DBF4B: variants seen among roughly 807,000 people sequenced by gnomAD.
The protein encoded by DBF4B is protein DBF4 homolog B.
In DBF4B, 49 loss-of-function variants were observed where a neutral mutation model predicts 53.4. The ratio of observed to expected loss-of-function variants is 0.92; its 90% CI spans 0.73 to 1.16. DBF4B has a LOEUF of 1.16. Among genes scored for constraint, DBF4B ranks in the 50% most tolerant of loss-of-function variants. DBF4B has a pLI of 0.00. For synonymous variants in DBF4B, 257 were observed against 288.7 expected (o/e 0.89, Z 1.11); for missense variants, 692 against 775.0 (o/e 0.89, Z 1.27).
chr17:44,711,146 C>T (rs989210618), intron 2 of DBF4B, among the ~76,000 whole-genome samples: 10 of 151,358 alleles, frequency 6.6e-5, no homozygotes, highest in African/African-American at 2.4e-4. Flanking sequence ...CCACCATGCC[C>T]GGCTAATTTT....
chr17:44,727,423 AG>A (rs1974456887), intron 3 of DBF4B, among the ~76,000 whole-genome samples: 1 of 151,998 alleles, frequency 6.6e-6, no homozygotes, highest in African/African-American at 2.4e-5. Context: ...TGTCTCAAAA[AG>A]AAAAAAAAAA....
At chr17:44,718,602 A>G (rs1973547267) in intron 2 of DBF4B, among the ~76,000 whole-genome samples, 1 of 152,028 alleles carries the variant, frequency 6.6e-6, no homozygotes, top group South Asian at 2.1e-4. Context: ...TTTTTGGCAC[A>G]GAAGTGATGT....
rs796441056 is a variant in DBF4B at position 44,716,058 on chromosome 17, A to T, written c.82+6692A>T. Among the ~76,000 whole-genome samples, 4 of 151,868 alleles carry T rather than the reference A, an allele frequency of 2.6e-5. No individual in the cohort carries two copies. In the South Asian group the frequency reaches 8.3e-4, roughly 32 times the overall value. On this transcript the variant is annotated intron_variant, in intron 2 of 13. Coordinates refer to ENST00000315005, the MANE Select transcript of DBF4B (RefSeq NM_145663.3). ...AGGCTGGTCTTAAACTCCCGATCTGAGGTAATCCACCCGCCTCGGCCTCCC... is the reference window on the plus strand; with the variant it reads ...AGGCTGGTCTTAAACTCCCGATCTGTGGTAATCCACCCGCCTCGGCCTCCC...
At chr17:44,742,282 C>T (rs985126360) in intron 10 of DBF4B, among the ~76,000 whole-genome samples, 1 of 151,638 alleles carries the variant, frequency 6.6e-6, no homozygotes, top group Admixed American at 6.6e-5. Flanking sequence ...TTGTGGTGCA[C>T]ACCTGTAATC....
At position 44,747,572 on chromosome 17, in the gene DBF4B, G is replaced by T. The variant is rs1011543188; in HGVS notation, c.1064+57G>T. ...CTGCTCTCTCCTCTGTTGCCCTCTG[G>T]GTGGGAAGAGACCCTCAGGTTGGTG... is the stretch of plus-strand genomic sequence containing the variant. On this transcript the variant is annotated intron_variant, in intron 12 of 13. Transcript: ENST00000315005. 19 of 1,597,270 alleles carry T rather than the reference G, an allele frequency of 1.2e-5. No homozygotes were observed. In the African/African-American group the frequency reaches 2.1e-4, roughly 18 times the overall value.
intron 1 of DBF4B, 142 bp from the exon 2 acceptor site, chr17:44,709,162 A>C: frequency 9.2e-7 from 1 of 1,083,906 alleles, no homozygotes; most frequent in African/African-American, 1.6e-5. Context: ...GAGTCGCGGG[A>C]TGTAGGTCGG....
chr17:44,746,546 C>T (rs1054716969), intron 10 of DBF4B, among the ~76,000 whole-genome samples: 4 of 151,962 alleles, frequency 2.6e-5, no homozygotes, highest in South Asian at 2.1e-4. Flanking sequence ...ATGGCTGGCG[C>T]GGTGGCTCAC....
At chr17:44,729,721 CA>C (rs1199903976) in intron 3 of DBF4B, among the ~76,000 whole-genome samples, 183 bp from the exon 4 acceptor site, 14 of 143,408 alleles carry the variant, frequency 9.8e-5, no homozygotes, top group South Asian at 2.3e-4. Flanking sequence ...CACACACACA[CA>C]CACACCCCAT....
intron 3 of DBF4B, among the ~76,000 whole-genome samples, chr17:44,725,127 A>C (rs1313705298): frequency 2.6e-5 from 4 of 151,580 alleles, no homozygotes; most frequent in African/African-American, 9.7e-5. Context: ...AAAAAAAAAA[A>C]AAAAAAAAAA....
chr17:44,723,824 A>G (rs1382608059), intron 3 of DBF4B, among the ~76,000 whole-genome samples: 1 of 151,980 alleles, frequency 6.6e-6, no homozygotes, highest in African/African-American at 2.4e-5. Context: ...CTTATTAGAA[A>G]CTTAGGCTGG....
rs1225504275 is a variant in DBF4B, at chr17:44,738,467, C to T, written c.713+43C>T. On this transcript the variant is annotated intron_variant, in intron 9 of 13. Coordinates refer to ENST00000315005, the MANE Select transcript of DBF4B (RefSeq NM_145663.3). Reference sequence around the variant, plus strand: ...TCTCTGCTTGCCCCAGCTAGGCCTGCACAGAGGAGGGAGGAGGGAGGGGTG... The same window carrying T: ...TCTCTGCTTGCCCCAGCTAGGCCTGTACAGAGGAGGGAGGAGGGAGGGGTG... 2.5e-6 allele frequency: 4 copies of T among 1,599,028 alleles called. 1 individual carries two copies. In the South Asian group the frequency reaches 4.5e-5, roughly 18 times the overall value.
Position 44,751,074 on chromosome 17 carries a change from C to T in DBF4B, c.1669C>T (p.Arg557Trp), listed in dbSNP as rs139031286. ...LLTQSLWCRV[R>W]VPSLSTAGPI... ...CACACAAAGCCTGTGGTGCCGGGTT[C>T]GGGTGCCCTCATTGTCAACTGCAGG... The change falls in exon 14 of 14, where the codon CGG becomes TGG. Residue 557 changes from arginine to tryptophan, a missense_variant. Physicochemically the swap from Arg to Trp is moderately radical, Grantham distance 101. Coordinates refer to ENST00000315005, the MANE Select transcript of DBF4B (RefSeq NM_145663.3). 91 of 1,614,122 alleles carry T rather than the reference C, an allele frequency of 5.6e-5. No individual in the cohort carries two copies. In the African/African-American group the frequency reaches 1.1e-3, roughly 19 times the overall value.
At position 44,749,778 on chromosome 17, in the gene DBF4B, C is replaced by T; in HGVS notation, c.1190-817C>T. On this transcript the variant is annotated intron_variant, in intron 13 of 13. Transcript: ENST00000315005. This position sits in a 1 kb window ranked among gnomAD's most constrained non-coding sequence, Gnocchi z 4.4. The stretch of plus-strand genomic sequence containing the variant: ...CCCTCCACAGGCCCTTGCCTCTCTG[C>T]AGAGCCGCGGGTTAGCTGTTGGTGT... The T allele has an allele frequency of 9.2e-7, 1 of 1,083,570 alleles. No individual in the cohort carries two copies. Among genetic ancestry groups the T allele is most frequent in the South Asian group, 2.8e-5 (1 of 36,094 alleles). 67.1% of individuals were successfully genotyped at this position (1,083,570 alleles called of 1,614,324 possible). A position where few individuals can be genotyped will look rare whatever the true frequency, so the allele number is the denominator to read the frequency against.
At chr17:44,733,336 C>T (rs1975030423) in intron 6 of DBF4B, among the ~76,000 whole-genome samples, 1 of 152,316 alleles carries the variant, frequency 6.6e-6, no homozygotes, top group East Asian at 1.9e-4. Context: ...GTGTGGCCCA[C>T]CACTCTCAGT....
At chr17:44,743,766 C>T (rs963578689) in intron 10 of DBF4B, among the ~76,000 whole-genome samples, 1 of 151,832 alleles carries the variant, frequency 6.6e-6, no homozygotes, top group African/African-American at 2.4e-5. Flanking sequence ...CACACCACCT[C>T]GCCCGGCTAA....
intron 7 of DBF4B, 31 bp downstream of exon 7, chr17:44,734,194 T>G: frequency 6.2e-7 from 1 of 1,613,962 alleles, no homozygotes; most frequent in Non-Finnish European, 8.5e-7. Context: ...GAAGGACAAA[T>G]GGATGGTTTT....
intron 9 of DBF4B, among the ~76,000 whole-genome samples, chr17:44,739,626 T>C (rs898611067): frequency 2.6e-5 from 4 of 152,216 alleles, no homozygotes; most frequent in Non-Finnish European, 4.4e-5. Context: ...ATGACACATA[T>C]GCAACGGCTG....
chr17:44,732,283 G>A lies in DBF4B; in HGVS notation c.556+18G>A. Reference sequence around the variant, plus strand: ...CGTGGATGGTACCCTTTCTGTGCTGGGCTCCTGTGGAGGGAGAATTGGTGA... The same window carrying A: ...CGTGGATGGTACCCTTTCTGTGCTGAGCTCCTGTGGAGGGAGAATTGGTGA... On this transcript the variant is annotated intron_variant, in intron 6 of 13. Coordinates refer to ENST00000315005, the MANE Select transcript of DBF4B (RefSeq NM_145663.3). 6.2e-7 allele frequency: 1 copy of A among 1,613,230 alleles called. No individual in the cohort carries two copies. The highest frequency in any genetic ancestry group is 8.5e-7 in the Non-Finnish European group (1 of 1,179,450).
At chr17:44,732,565 A>T (rs2144966888) in intron 6 of DBF4B, 1 of 330,720 alleles carries the variant, frequency 3.0e-6, no homozygotes, top group African/African-American at 2.1e-5. Context: ...TGCAGAAATG[A>T]TCTTAATATT....
Sources: allele counts gnomAD v4.1 joint callset (sites outside exome capture counted in the v4.1 genomes callset), GRCh38; gene constraint gnomAD v4.1.1; non-coding constraint Gnocchi (gnomAD v3.1); transcripts MANE v1.5; gene names NCBI Gene and HGNC (gene_info 2026-07-23, HGNC 2026-07-21).